Variants in LSM6 observed in about 807,000 individuals in gnomAD.
LSM6 encodes LSM6 homolog, U6 small nuclear RNA and mRNA degradation associated, also known as U6 snRNA-associated Sm-like protein LSm6.
In LSM6, 2 loss-of-function variants were observed where a neutral mutation model predicts 13.5. The ratio of observed to expected loss-of-function variants is 0.15; its 90% CI spans 0.06 to 0.47. LSM6 has a LOEUF of 0.47. Ranked by LOEUF, LSM6 falls within the 20% of genes least tolerant of loss-of-function variation. The pLI, the probability that LSM6 is intolerant of heterozygous loss-of-function variation, is 0.97. For missense variants in LSM6, 58 were observed against 96.4 expected, an observed-to-expected ratio of 0.60 and a Z score of 1.67; for synonymous variants, 43 against 34.9, an observed-to-expected ratio of 1.23 and a Z score of -0.82.
In LSM6 at chr4:146,182,859, A is replaced by G. The variant is rs150626824; in HGVS notation, c.-10-53A>G. On this transcript the variant is annotated intron_variant, in intron 1 of 3. Transcript: ENST00000296581. ...TTAAGGGCTTTAAGGGTTTTGTTGA[A>G]TAATCAACTTTGGTCTTTACCTTTT... 1.4e-5 allele frequency: 15 copies of G among 1,053,466 alleles called. 1 individual carries two copies. In the African/African-American group the frequency reaches 1.9e-4, roughly 13 times the overall value. 65.3% of individuals were successfully genotyped at this position (1,053,466 alleles called of 1,614,324 possible).
chr4:146,175,775 G>GGC lies in LSM6; in HGVS notation c.-44_-43dup. On this transcript the variant is annotated 5_prime_UTR_variant, in exon 1 of 4. Transcript: ENST00000296581. Reference sequence around the variant, plus strand: ...TCATCCGCGGCGGCCGGGCTCGTGGGGCGCCTGGAGTGAGGGTTCTGGTTC... The same window carrying GGC: ...TCATCCGCGGCGGCCGGGCTCGTGGGGCGCGCCTGGAGTGAGGGTTCTGGTTC... The GGC allele has an allele frequency of 6.6e-6, 1 of 152,360 alleles. No individual in the cohort carries two copies. Among genetic ancestry groups the GGC allele is most frequent in the East Asian group, 1.9e-4 (1 of 5,188 alleles). The allele number at this position is 152,360 out of a possible 1,614,324, so 9.4% of individuals were successfully genotyped here.
chr4:146,182,966 C>A lies in LSM6; in HGVS notation c.45C>A (p.Ile15=). Residue 15 remains isoleucine, a synonymous_variant, in exon 2 of 4, where the codon ATC becomes ATA. Transcript: ENST00000296581. ...CCCCTAGTGACTTCTTAAAGCAAAT[C>A]ATCGGACGACCAGTTGTGGTAAAAT... ...KQTPSDFLKQ[I]IGRPVVVKLN... is the part of the protein sequence containing the mutation. 6.2e-7 allele frequency: 1 copy of A among 1,613,520 alleles called. No individual in the cohort carries two copies. The highest frequency in any genetic ancestry group is 1.1e-5 in the South Asian group (1 of 91,040).
intron 2 of LSM6, 83 bp downstream of exon 2, chr4:146,183,098 ACCC>A: frequency 2.0e-6 from 2 of 996,230 alleles, no homozygotes; most frequent in Admixed American, 1.8e-5. Flanking sequence ...TCTTAAGTAT[ACCC>A]AATAGGCCAA....
intron 2 of LSM6, among the ~76,000 whole-genome samples, chr4:146,185,494 A>G (rs1394699923): frequency 2.0e-5 from 3 of 150,960 alleles, no homozygotes; most frequent in Admixed American, 1.3e-4. Context: ...CCCCAAAGCA[A>G]AACAACAACA....
chr4:146,176,458 G>A (rs1223338668), intron 1 of LSM6: 6 of 152,270 alleles, frequency 3.9e-5, no homozygotes, highest in African/African-American at 1.4e-4. Context: ...TTAAGATGAT[G>A]CGGATTACCC....
In LSM6 at chr4:146,191,013, TA is replaced by T. The variant is rs1730458762; in HGVS notation, c.*1359del. 6.6e-6 allele frequency: 1 copy of T among 152,214 alleles called. No individual in the cohort carries two copies. Among genetic ancestry groups the T allele is most frequent in the Non-Finnish European group, 1.5e-5 (1 of 68,042 alleles). The allele number at this position is 152,214 out of a possible 1,614,324, so 9.4% of individuals were successfully genotyped here. A position where few individuals can be genotyped will look rare whatever the true frequency, so the allele number is the denominator to read the frequency against. ...AGAGTAATTGGAAACAATTATTTTT[TA>T]ATTAATAACTTGGGAAAGGTGAACA... On this transcript the variant is annotated 3_prime_UTR_variant, in exon 4 of 4. Transcript: ENST00000296581.
At chr4:146,179,462 A>G (rs1254939865) in intron 1 of LSM6, among the ~76,000 whole-genome samples, 1 of 152,242 alleles carries the variant, frequency 6.6e-6, no homozygotes, top group Non-Finnish European at 1.5e-5. Flanking sequence ...AGGAAGCCTA[A>G]TGAAGACTAA....
At chr4:146,180,419 C>A (rs2110880968) in intron 1 of LSM6, among the ~76,000 whole-genome samples, 1 of 152,274 alleles carries the variant, frequency 6.6e-6, no homozygotes, top group East Asian at 1.9e-4. Context: ...GCATAATGGA[C>A]AAGGCGTTAT....
intron 3 of LSM6, among the ~76,000 whole-genome samples, chr4:146,188,804 T>C (rs186465017): frequency 6.6e-6 from 1 of 152,004 alleles, no homozygotes; most frequent in East Asian, 1.9e-4. Context: ...ATAAGGACTT[T>C]GGTATCATTA....
At position 146,190,403 on chromosome 4, in the gene LSM6, C is replaced by T. The variant is rs1168150689; in HGVS notation, c.*747C>T. On this transcript the variant is annotated 3_prime_UTR_variant, in exon 4 of 4. Coordinates refer to ENST00000296581, the MANE Select transcript of LSM6 (RefSeq NM_007080.3). ...CAACGTTATTCTCTCAGTTTATGAACACAGTAGGGGAGGGGCCATTCCTGT... is the reference window on the plus strand; with the variant it reads ...CAACGTTATTCTCTCAGTTTATGAATACAGTAGGGGAGGGGCCATTCCTGT... 2.6e-5 allele frequency: 4 copies of T among 152,308 alleles called. No homozygotes were observed. Among genetic ancestry groups the T allele is most frequent in the Non-Finnish European group, 5.9e-5 (4 of 68,132 alleles). The allele number at this position is 152,308 out of a possible 1,614,324, so 9.4% of individuals were successfully genotyped here.
intron 2 of LSM6, among the ~76,000 whole-genome samples, chr4:146,186,964 G>A (rs1036949840): frequency 7.9e-5 from 12 of 152,226 alleles, no homozygotes; most frequent in Middle Eastern, 3.4e-3. Flanking sequence ...TATTTTTGCC[G>A]GAATAGTCTT....
Position 146,179,331 on chromosome 4 carries a change from A to G in LSM6, c.-11+3520A>G, listed in dbSNP as rs185374423. 8.2e-4 allele frequency among the ~76,000 whole-genome samples: 125 copies of G among 152,316 alleles called. 2 individuals are homozygous for G. Among genetic ancestry groups the G allele is most frequent in the Non-Finnish European group, 1.4e-3 (97 of 68,026 alleles). ...AGAACTGTTTCTTCTGCTTTATCCA[A>G]TTTAAAAGATGAAAACTTAAAATTA... is the stretch of plus-strand genomic sequence containing the variant. On this transcript the variant is annotated intron_variant, in intron 1 of 3. Coordinates refer to ENST00000296581, the MANE Select transcript of LSM6 (RefSeq NM_007080.3).
At chr4:146,178,511 G>C (rs1294062762) in intron 1 of LSM6, among the ~76,000 whole-genome samples, 1 of 152,212 alleles carries the variant, frequency 6.6e-6, no homozygotes, top group East Asian at 1.9e-4. Flanking sequence ...CGCCTCCTCA[G>C]ACACTGATCT....
intron 1 of LSM6, 130 bp downstream of exon 1, chr4:146,175,941 G>T: frequency 6.6e-6 from 1 of 152,542 alleles, no homozygotes; most frequent in Non-Finnish European, 1.5e-5. Context: ...CCCCGGAAAG[G>T]GCCTGCGGTG....
chr4:146,179,555 G>A (rs888369861), intron 1 of LSM6, among the ~76,000 whole-genome samples: 1 of 152,178 alleles, frequency 6.6e-6, no homozygotes, highest in African/African-American at 2.4e-5. Context: ...AACCTTAGAA[G>A]TATTTTTTTT....
intron 2 of LSM6, among the ~76,000 whole-genome samples, chr4:146,187,066 T>C (rs1730365927): frequency 6.6e-6 from 1 of 152,216 alleles, no homozygotes; most frequent in Admixed American, 6.5e-5. Context: ...CGGGTAGTAG[T>C]GGGTGCGTGA....
chr4:146,179,700 G>A (rs190672711), intron 1 of LSM6, among the ~76,000 whole-genome samples: 1 of 152,282 alleles, frequency 6.6e-6, no homozygotes, highest in African/African-American at 2.4e-5. Context: ...ATAGTGACAG[G>A]TTATAGCAAA....
At chr4:146,180,625 G>A (rs1005166239) in intron 1 of LSM6, among the ~76,000 whole-genome samples, 1 of 152,156 alleles carries the variant, frequency 6.6e-6, no homozygotes, top group Non-Finnish European at 1.5e-5. Context: ...TACTCTATGA[G>A]CAGATGAAAT....
rs1225907865 is a variant in LSM6, at chr4:146,175,814, G to C, written c.-11+3G>C. The C allele has an allele frequency of 1.3e-5, 2 of 152,376 alleles. No homozygotes were observed. Among genetic ancestry groups the C allele is most frequent in the Non-Finnish European group, 2.9e-5 (2 of 68,162 alleles). The allele number at this position is 152,376 out of a possible 1,614,324, so 9.4% of individuals were successfully genotyped here. On this transcript the variant is annotated splice_donor_region_variant and intron_variant, in intron 1 of 3. Coordinates refer to ENST00000296581, the MANE Select transcript of LSM6 (RefSeq NM_007080.3). ...GGGTTCTGGTTCCCGCCGGCGAGGT[G>C]AGCCGCACCGCTGCGCGGGCCGACG...
Sources: allele counts gnomAD v4.1 joint callset (sites outside exome capture counted in the v4.1 genomes callset), GRCh38; gene constraint gnomAD v4.1.1; transcripts MANE v1.5; gene names NCBI Gene and HGNC (gene_info 2026-07-23, HGNC 2026-07-21).